The following RAB31 variants were observed in gnomAD, a reference collection of about 807,000 sequenced individuals.
RAB31 encodes RAB31, member RAS oncogene family, also known as ras-related protein Rab-31.
In RAB31, 21 loss-of-function variants were observed where a neutral mutation model predicts 25.6. That is an observed-to-expected ratio of 0.82 (90% CI 0.58 to 1.18). The LOEUF is 1.18. RAB31 is among the 50% of genes most tolerant of loss of function. RAB31 has a pLI of 0.00. For synonymous variants in RAB31, 87 were observed against 84.0 expected (o/e 1.04, Z -0.20); for missense variants, 196 against 250.1 (o/e 0.78, Z 1.46).
intron 1 of RAB31, among the ~76,000 whole-genome samples, chr18:9,772,468 C>T (rs1429334671): frequency 6.6e-6 from 1 of 152,208 alleles, no homozygotes; most frequent in Non-Finnish European, 1.5e-5. Context: ...CTGCCGTGTG[C>T]CTGGCCCTGC....
chr18:9,792,823 ATGTTGGT>A (rs1287883529), intron 3 of RAB31, among the ~76,000 whole-genome samples: 1 of 151,900 alleles, frequency 6.6e-6, no homozygotes, highest in Non-Finnish European at 1.5e-5. Flanking sequence ...CACCTGAACC[ATGTTGGT>A]TCAGGAAGTC....
chr18:9,734,060 T>A (rs1023642194), intron 1 of RAB31, among the ~76,000 whole-genome samples: 1 of 129,676 alleles, frequency 7.7e-6, no homozygotes, highest in African/African-American at 2.9e-5. Context: ...GGAGCCTGTG[T>A]CCAGTTATGT....
intron 1 of RAB31, among the ~76,000 whole-genome samples, chr18:9,712,554 A>G (rs545214938): frequency 1.3e-5 from 2 of 152,380 alleles, no homozygotes; most frequent in South Asian, 2.1e-4. Context: ...AATACTTAAC[A>G]AAAACAACAC....
At chr18:9,709,825 A>G (rs2068007373) in intron 1 of RAB31, among the ~76,000 whole-genome samples, 1 of 152,114 alleles carries the variant, frequency 6.6e-6, no homozygotes, top group African/African-American at 2.4e-5. Flanking sequence ...CCTGTTCCCC[A>G]GGCCCTCTAA....
At chr18:9,844,528 A>C (rs1355822248) in intron 5 of RAB31, among the ~76,000 whole-genome samples, 1 of 152,062 alleles carries the variant, frequency 6.6e-6, no homozygotes, top group African/African-American at 2.4e-5. Flanking sequence ...GAAGCACTTT[A>C]TGTCGCAGTG....
chr18:9,758,118 G>GT (rs2145481965), intron 1 of RAB31: 1 of 152,364 alleles, frequency 6.6e-6, no homozygotes, highest in African/African-American at 2.4e-5. Context: ...TCGCCTGTGG[G>GT]CCACCCGAGA....
At chr18:9,856,918 C>A (rs774391156) in intron 6 of RAB31, among the ~76,000 whole-genome samples, 4 of 152,144 alleles carry the variant, frequency 2.6e-5, no homozygotes, top group Non-Finnish European at 4.4e-5. Context: ...TCATTGGAGA[C>A]TTCCTTCTCT....
At chr18:9,717,617 T>C (rs925205687) in intron 1 of RAB31, among the ~76,000 whole-genome samples, 1 of 151,964 alleles carries the variant, frequency 6.6e-6, no homozygotes, top group African/African-American at 2.4e-5. Flanking sequence ...GATCTGCAAA[T>C]ATAATGTGTC....
At chr18:9,801,872 A>G (rs2068515715) in intron 3 of RAB31, among the ~76,000 whole-genome samples, 1 of 152,270 alleles carries the variant, frequency 6.6e-6, no homozygotes, top group Admixed American at 6.5e-5. Context: ...TTGTAAAGAC[A>G]GGATCCAGCT....
chr18:9,827,172 G>A (rs530989596), intron 5 of RAB31, among the ~76,000 whole-genome samples: 11 of 152,026 alleles, frequency 7.2e-5, no homozygotes, highest in Non-Finnish European at 1.3e-4. Flanking sequence ...TTCATTTCAT[G>A]GCTTCTAATG....
intron 3 of RAB31, among the ~76,000 whole-genome samples, chr18:9,811,553 A>T (rs1173726473): frequency 6.6e-6 from 1 of 152,200 alleles, no homozygotes; most frequent in Non-Finnish European, 1.5e-5. Context: ...CTGCCCAATA[A>T]AAACAGCTGC....
At chr18:9,841,376 G>A (rs34851882) in intron 5 of RAB31, among the ~76,000 whole-genome samples, 106,906 of 151,222 alleles carry the variant, frequency 0.71, 37,904 homozygotes, top group South Asian at 0.8. Context: ...CGTCTCTACT[G>A]AAAATACAAA....
At chr18:9,748,571 C>T (rs907284942) in intron 1 of RAB31, among the ~76,000 whole-genome samples, 1 of 145,812 alleles carries the variant, frequency 6.9e-6, no homozygotes, top group Non-Finnish European at 1.5e-5. Context: ...CCTAATTCCT[C>T]TACTTAGATC....
chr18:9,749,517 T>C (rs1367504386), intron 1 of RAB31, among the ~76,000 whole-genome samples: 1 of 152,236 alleles, frequency 6.6e-6, no homozygotes. Flanking sequence ...ATAGTTTACA[T>C]AGCTTCTATG....
intron 5 of RAB31, among the ~76,000 whole-genome samples, chr18:9,834,953 T>C (rs60246007): frequency 0.016 from 2,372 of 152,340 alleles, 60 homozygotes; most frequent in African/African-American, 0.053. Context: ...ATCTGTCTCC[T>C]GTTTACTTAG....
intron 5 of RAB31, among the ~76,000 whole-genome samples, chr18:9,824,281 GAT>G (rs1568188752): frequency 6.8e-6 from 1 of 146,508 alleles, no homozygotes; most frequent in Admixed American, 6.8e-5. Flanking sequence ...TGTGTATGTA[GAT>G]GTGTGTGTAT....
At chr18:9,761,900 G>A (rs368904992) in intron 1 of RAB31, among the ~76,000 whole-genome samples, 6 of 152,102 alleles carry the variant, frequency 3.9e-5, no homozygotes, top group Non-Finnish European at 5.9e-5. Flanking sequence ...CTCTGCCTTC[G>A]GGTTCAAACG....
At chr18:9,712,213 T>A (rs1221264191) in intron 1 of RAB31, among the ~76,000 whole-genome samples, 1 of 152,280 alleles carries the variant, frequency 6.6e-6, no homozygotes, top group Admixed American at 6.5e-5. Flanking sequence ...TTTGTGTTCT[T>A]GGAAAACCAA....
At chr18:9,841,355 T>C (rs556450533) in intron 5 of RAB31, among the ~76,000 whole-genome samples, 2,745 of 151,412 alleles carry the variant, frequency 0.018, 42 homozygotes, top group Non-Finnish European at 0.027. Flanking sequence ...CTGGCTAACA[T>C]GGTGAAACCC....
Sources: allele counts gnomAD v4.1 joint callset (sites outside exome capture counted in the v4.1 genomes callset), GRCh38; gene constraint gnomAD v4.1.1; transcripts MANE v1.5; gene names NCBI Gene and HGNC (gene_info 2026-07-23, HGNC 2026-07-21).